The following EMC9 variants were observed in gnomAD, a reference collection of about 807,000 sequenced individuals.
The protein encoded by EMC9 is UPF0172 protein FAM158A.
In EMC9, 20 loss-of-function variants were observed where a neutral mutation model predicts 25.0. The ratio of observed to expected loss-of-function variants is 0.80; its 90% CI spans 0.56 to 1.16. The LOEUF is 1.16. Among genes scored for constraint, EMC9 ranks in the 50% most tolerant of loss-of-function variants. The pLI is 0.00. For missense variants in EMC9, 256 were observed against 268.7 expected, an observed-to-expected ratio of 0.95 and a Z score of 0.33; for synonymous variants, 100 against 107.0, an observed-to-expected ratio of 0.93 and a Z score of 0.40.
At position 24,141,447 on chromosome 14, in the gene EMC9, G is replaced by C; in HGVS notation, c.-22C>G. 1.1e-6 allele frequency: 1 copy of C among 899,840 alleles called. No individual in the cohort carries two copies. The highest frequency in any genetic ancestry group is 1.7e-6 in the Non-Finnish European group (1 of 589,230). The allele number at this position is 899,840 out of a possible 1,614,324, so 55.7% of individuals were successfully genotyped here. A position where few individuals can be genotyped will look rare whatever the true frequency, so the allele number is the denominator to read the frequency against. ...CCCCGTGCCCTCTCACTTCGGTTCGGCGACAACGCTAACTCGACTCGCAGG... is the reference window on the plus strand; with the variant it reads ...CCCCGTGCCCTCTCACTTCGGTTCGCCGACAACGCTAACTCGACTCGCAGG... On this transcript the variant is annotated 5_prime_UTR_variant, in exon 1 of 6. Coordinates refer to ENST00000216799, the MANE Select transcript of EMC9 (RefSeq NM_016049.4).
chr14:24,140,789 G>GCCCCC, intron 3 of EMC9, 100 bp downstream of exon 3: 36 of 1,301,138 alleles, frequency 2.8e-5, no homozygotes, highest in Middle Eastern at 1.9e-4. Flanking sequence ...CATCTTGTGC[G>GCCCCC]CCCCCGCCCC....
intron 2 of EMC9, 50 bp downstream of exon 2, chr14:24,141,057 T>C (rs770001501): frequency 1.2e-6 from 2 of 1,613,562 alleles, no homozygotes; most frequent in Non-Finnish European, 1.7e-6. Context: ...GAACTTGGGC[T>C]GGGGTGTTGG....
chr14:24,141,579 C>G lies in EMC9; in HGVS notation c.-154G>C. 2 of 575,536 alleles carry G rather than the reference C, an allele frequency of 3.5e-6. No homozygotes were observed. The highest frequency in any genetic ancestry group is 2.0e-5 in the South Asian group (1 of 49,672). The allele number at this position is 575,536 out of a possible 1,614,324, so 35.7% of individuals were successfully genotyped here. A position where few individuals can be genotyped will look rare whatever the true frequency, so the allele number is the denominator to read the frequency against. On this transcript the variant is annotated 5_prime_UTR_variant, in exon 1 of 6. Coordinates refer to ENST00000216799, the MANE Select transcript of EMC9 (RefSeq NM_016049.4). ...CCCGCCTTCCCGCGCCCCTAGCTGG[C>G]GGCCGCGACTCTGCGCCTGCCTGGG...
rs186301059 is a variant in EMC9, at chr14:24,141,224, G to A, written c.81C>T (p.Asn27=). 6.2e-7 allele frequency: 1 copy of A among 1,614,204 alleles called. No individual in the cohort carries two copies. Among genetic ancestry groups the A allele is most frequent in the Non-Finnish European group, 8.5e-7 (1 of 1,180,046 alleles). The part of the protein sequence containing the change: ...HAARYPHAAV[N]GLFLAPAPRS... ...GCGGCGCTGGCGCCAAAAACAGCCC[G>A]TTGACTGCGGCGTGTGGGTACCGGG... Residue 27 remains asparagine, a synonymous_variant, in exon 2 of 6, where the codon AAC becomes AAT. Transcript: ENST00000216799.
rs1053340483 is a variant in EMC9 at position 24,140,892 on chromosome 14, T to C, written c.272A>G (p.Gln91Arg). 2 of 1,613,546 alleles carry C rather than the reference T, an allele frequency of 1.2e-6. No homozygotes were observed. Among genetic ancestry groups the C allele is most frequent in the Non-Finnish European group, 1.7e-6 (2 of 1,179,720 alleles). Reference sequence around the variant, plus strand: ...TTCCTCTGGCTACGCCACTCACCTCTGATCGTTCACAGCTGCATTGGCATG... The same window carrying C: ...TTCCTCTGGCTACGCCACTCACCTCCGATCGTTCACAGCTGCATTGGCATG... Reference protein sequence around the residue: ...YYHANAAVNDQSPGPLALKIA... With the variant: ...YYHANAAVNDRSPGPLALKIA... The change falls in exon 3 of 6, where the codon CAG (glutamine) becomes CGG (arginine). Residue 91 changes from glutamine (Q) to arginine (R), a missense_variant. By Grantham distance (43) the Gln-to-Arg change is conservative. Transcript: ENST00000216799.
At position 24,141,581 on chromosome 14, in the gene EMC9, G is replaced by A; in HGVS notation, c.-156C>T. On this transcript the variant is annotated 5_prime_UTR_variant, in exon 1 of 6. Transcript: ENST00000216799. ...CGCCTTCCCGCGCCCCTAGCTGGCG[G>A]CCGCGACTCTGCGCCTGCCTGGGAG... 2 of 575,440 alleles carry A rather than the reference G, an allele frequency of 3.5e-6. No homozygotes were observed. Among genetic ancestry groups the A allele is most frequent in the East Asian group, 5.8e-5 (2 of 34,344 alleles). The allele number at this position is 575,440 out of a possible 1,614,324, so 35.6% of individuals were successfully genotyped here.
chr14:24,141,201 G>A lies in EMC9; in HGVS notation c.104C>T (p.Pro35Leu), dbSNP rs953521781. ...AVNGLFLAPA[P>L]RSGECLCLTD... ...GAGGCACAGGCATTCTCCAGACCGC[G>A]GCGCTGGCGCCAAAAACAGCCCGTT... is the stretch of plus-strand genomic sequence containing the variant. Residue 35 changes from proline (P) to leucine (L), a missense_variant, in exon 2 of 6, where the codon CCG (proline) becomes CTG (leucine). Coordinates refer to ENST00000216799, the MANE Select transcript of EMC9 (RefSeq NM_016049.4). The A allele has an allele frequency of 1.7e-5, 28 of 1,614,080 alleles. No homozygotes were observed. The highest frequency in any genetic ancestry group is 2.1e-5 in the Non-Finnish European group (25 of 1,180,056).
In EMC9 at chr14:24,139,646, G is replaced by C. The variant is rs777452199; in HGVS notation, c.276-32C>G. On this transcript the variant is annotated intron_variant, in intron 3 of 5. Coordinates refer to ENST00000216799, the MANE Select transcript of EMC9 (RefSeq NM_016049.4). The surrounding 1 kb of genome is among the most constrained non-coding windows in gnomAD (Gnocchi z 4.6). The stretch of plus-strand genomic sequence containing the variant: ...AGAGGGAAGATCAGAGGAGTGAGGA[G>C]CCAACTGTGGGCAAAACCCATCCAT... 1 of 1,607,410 alleles carries C rather than the reference G, an allele frequency of 6.2e-7. No homozygotes were observed.
In EMC9 at chr14:24,139,302, A is replaced by G. The variant is rs1184646878; in HGVS notation, c.440+58T>C. ...AGACCCTTGGGGCAGGGCCAAGGAC[A>G]GAGGAGACCCAGGAGCCTTGGGCTT... On this transcript the variant is annotated intron_variant, in intron 5 of 5. Coordinates refer to ENST00000216799, the MANE Select transcript of EMC9 (RefSeq NM_016049.4). This position sits in a 1 kb window ranked among gnomAD's most constrained non-coding sequence, Gnocchi z 4.6. 4.4e-6 allele frequency: 7 copies of G among 1,602,958 alleles called. No homozygotes were observed. The East Asian group carries it at 1.6e-4, about 36-fold the overall frequency.
Position 24,141,130 on chromosome 14 carries a change from T to G in EMC9, c.175A>C (p.Met59Leu). Residue 59 changes from methionine (M) to leucine (L), a missense_variant, in exon 2 of 6, where the codon ATG becomes CTG. Coordinates refer to ENST00000216799, the MANE Select transcript of EMC9 (RefSeq NM_016049.4). The part of the protein sequence containing the change: ...LFHSHLALSV[M>L]LEVALNQVDV... ...ACCTGGTTGAGGGCGACCTCCAACATGACGGACAGGGCCAGGTGGCTGTGG... is the reference window on the plus strand; with the variant it reads ...ACCTGGTTGAGGGCGACCTCCAACAGGACGGACAGGGCCAGGTGGCTGTGG... The G allele has an allele frequency of 6.2e-7, 1 of 1,614,096 alleles. No individual in the cohort carries two copies. The highest frequency in any genetic ancestry group is 8.5e-7 in the Non-Finnish European group (1 of 1,180,044).
Position 24,139,205 on chromosome 14 carries a change from G to GTAAC in EMC9, c.441-13_441-10dup. 6.2e-7 allele frequency: 1 copy of GTAAC among 1,613,898 alleles called. No individual in the cohort carries two copies. Among genetic ancestry groups the GTAAC allele is most frequent in the Non-Finnish European group, 8.5e-7 (1 of 1,179,818 alleles). On this transcript the variant is annotated splice_polypyrimidine_tract_variant and intron_variant, in intron 5 of 5. Transcript: ENST00000216799. This position sits in a 1 kb window ranked among gnomAD's most constrained non-coding sequence, Gnocchi z 4.6. ...AGTCCCTCCACATCACTCTGAAATA[G>GTAAC]TAACCCCCATGGAGGTCAAACAGCA...
chr14:24,139,956 G>A lies in EMC9; in HGVS notation c.276-342C>T. ...GAATTTATGGTAATCATAGGACAGT[G>A]TCTGTAATAAAACACTGGAAACAAC... On this transcript the variant is annotated intron_variant, in intron 3 of 5. Coordinates refer to ENST00000216799, the MANE Select transcript of EMC9 (RefSeq NM_016049.4). This position sits in a 1 kb window ranked among gnomAD's most constrained non-coding sequence, Gnocchi z 4.6. 2 of 443,290 alleles carry A rather than the reference G, an allele frequency of 4.5e-6. No individual in the cohort carries two copies. The highest frequency in any genetic ancestry group is 8.8e-6 in the Non-Finnish European group (2 of 226,596). The allele number at this position is 443,290 out of a possible 1,614,324, so 27.5% of individuals were successfully genotyped here.
chr14:24,140,881 C>A lies in EMC9; in HGVS notation c.275+8G>T, dbSNP rs752418089. On this transcript the variant is annotated splice_region_variant and intron_variant, in intron 3 of 5. Coordinates refer to ENST00000216799, the MANE Select transcript of EMC9 (RefSeq NM_016049.4). Reference sequence around the variant, plus strand: ...TCCTTTCCTTCTTCCTCTGGCTACGCCACTCACCTCTGATCGTTCACAGCT... The same window carrying A: ...TCCTTTCCTTCTTCCTCTGGCTACGACACTCACCTCTGATCGTTCACAGCT... The A allele has an allele frequency of 1.2e-6, 2 of 1,614,066 alleles. No homozygotes were observed. The highest frequency in any genetic ancestry group is 1.1e-5 in the South Asian group (1 of 91,082).
chr14:24,139,557 T>C lies in EMC9; in HGVS notation c.333A>G (p.Ala111=). Residue 111 remains alanine, a synonymous_variant, in exon 4 of 6, where the codon GCA becomes GCG. Transcript: ENST00000216799. This position sits in a 1 kb window ranked among gnomAD's most constrained non-coding sequence, Gnocchi z 4.6. ...AGRIAEFFPD[A]VLIMLDNQKL... is the part of the protein sequence containing the mutation. ...ACCCAAGCCTCACCATAATAAGTACTGCATCAGGGAAGAATTCTGCAATTC... is the reference window on the plus strand; with the variant it reads ...ACCCAAGCCTCACCATAATAAGTACCGCATCAGGGAAGAATTCTGCAATTC... The C allele has an allele frequency of 6.2e-7, 1 of 1,614,026 alleles. No individual in the cohort carries two copies. The highest frequency in any genetic ancestry group is 8.5e-7 in the Non-Finnish European group (1 of 1,179,940).
chr14:24,141,187 AT>A lies in EMC9; in HGVS notation c.117del (p.Glu39AspfsTer50). On this transcript the variant is annotated frameshift_variant, in exon 2 of 6. Coordinates refer to ENST00000216799, the MANE Select transcript of EMC9 (RefSeq NM_016049.4). LOFTEE classifies it high-confidence loss of function. ...GGCACACAGTCGGTGAGGCACAGGC[AT>A]TCTCCAGACCGCGGCGCTGGCGCCA... is the stretch of plus-strand genomic sequence containing the variant. ...LFLAPAPRSGECLCLTDCVPL... is the reference protein window; with the variant it reads ...LFLAPAPRSGXCLCLTDCVPL... 1.2e-6 allele frequency: 2 copies of A among 1,614,072 alleles called. No individual in the cohort carries two copies. The highest frequency in any genetic ancestry group is 1.7e-5 in the Admixed American group (1 of 60,028).
chr14:24,141,199 G>T lies in EMC9; in HGVS notation c.106C>A (p.Arg36=), dbSNP rs759600285. 1 of 1,614,166 alleles carries T rather than the reference G, an allele frequency of 6.2e-7. No individual in the cohort carries two copies. The highest frequency in any genetic ancestry group is 1.7e-5 in the Admixed American group (1 of 60,030). Residue 36 remains arginine (R), a synonymous_variant, in exon 2 of 6, where the codon CGG becomes AGG. Transcript: ENST00000216799. ...VNGLFLAPAP[R]SGECLCLTDC... is the part of the protein sequence containing the mutation. ...GTGAGGCACAGGCATTCTCCAGACC[G>T]CGGCGCTGGCGCCAAAAACAGCCCG...
chr14:24,138,998 G>A lies in EMC9; in HGVS notation c.*12C>T, dbSNP rs758334980. On this transcript the variant is annotated 3_prime_UTR_variant, in exon 6 of 6. Transcript: ENST00000216799. ...AGTCTCTTTATTGGAACCGGGCCCCGCTGGCCCTGGCTCAGGCATTTCCAT... is the reference window on the plus strand; with the variant it reads ...AGTCTCTTTATTGGAACCGGGCCCCACTGGCCCTGGCTCAGGCATTTCCAT... 2.7e-5 allele frequency: 44 copies of A among 1,612,246 alleles called. No homozygotes were observed. Among genetic ancestry groups the A allele is most frequent in the Non-Finnish European group, 3.4e-5 (40 of 1,179,698 alleles).
chr14:24,139,512 T>C lies in EMC9; in HGVS notation c.345+33A>G, dbSNP rs1196474829. 3 of 1,612,652 alleles carry C rather than the reference T, an allele frequency of 1.9e-6. No individual in the cohort carries two copies. The highest frequency in any genetic ancestry group is 2.2e-5 in the East Asian group (1 of 44,874). On this transcript the variant is annotated intron_variant, in intron 4 of 5. Coordinates refer to ENST00000216799, the MANE Select transcript of EMC9 (RefSeq NM_016049.4). The surrounding 1 kb of genome is among the most constrained non-coding windows in gnomAD (Gnocchi z 4.6). Reference sequence around the variant, plus strand: ...CAAGGGTCCCCCCACCCTACTTGCTTTTCACCTCCCCACCCAGAAACCCAA... The same window carrying C: ...CAAGGGTCCCCCCACCCTACTTGCTCTTCACCTCCCCACCCAGAAACCCAA...
Position 24,139,127 on chromosome 14 carries a change from C to T in EMC9, c.510G>A (p.Gln170=), listed in dbSNP as rs777274636. 6.2e-7 allele frequency: 1 copy of T among 1,614,198 alleles called. No individual in the cohort carries two copies. Among genetic ancestry groups the T allele is most frequent in the South Asian group, 1.1e-5 (1 of 91,088 alleles). ...GGTGGCAGTCAAAGTCCACAAGGTG[C>T]TGGTGGGCCCGATCTTCCAGTAGAG... ...VGALLEDRAH[Q]HLVDFDCHLD... The change falls in exon 6 of 6, where the codon CAG becomes CAA. Residue 170 remains glutamine, a synonymous_variant. Coordinates refer to ENST00000216799, the MANE Select transcript of EMC9 (RefSeq NM_016049.4). This position sits in a 1 kb window ranked among gnomAD's most constrained non-coding sequence, Gnocchi z 4.6.
Sources: gnomAD v4.1 joint callset for allele counts on GRCh38, gnomAD v4.1.1 for gene constraint, Gnocchi (gnomAD v3.1) non-coding constraint, MANE v1.5 for transcripts, NCBI Gene and HGNC (gene_info 2026-07-23, HGNC 2026-07-21) for gene names.